CFAP299: variants seen among roughly 807,000 people sequenced by gnomAD.
CFAP299 encodes cilia- and flagella-associated protein 299.
In CFAP299, 21 loss-of-function variants were observed where a neutral mutation model predicts 27.0. The ratio of observed to expected loss-of-function variants is 0.78; its 90% confidence interval spans 0.55 to 1.12. The LOEUF is 1.12. CFAP299 is among the 50% of genes most tolerant of loss of function. The pLI, the probability that CFAP299 is intolerant of heterozygous loss-of-function variation, is 0.00. For synonymous variants in CFAP299, 104 were observed against 98.1 expected, an observed-to-expected ratio of 1.06 and a Z score of -0.36; for missense variants, 310 against 276.6, an observed-to-expected ratio of 1.12 and a Z score of -0.86.
chr4:80,845,595 A>G (rs1160624079), intron 3 of CFAP299, among the ~76,000 whole-genome samples: 2 of 152,124 alleles, frequency 1.3e-5, no homozygotes, highest in African/African-American at 4.8e-5. Flanking sequence ...TTTGCCTGGA[A>G]TGTTCTTCAC....
intron 2 of CFAP299, among the ~76,000 whole-genome samples, chr4:80,529,027 C>T (rs1481637580): frequency 6.6e-6 from 1 of 152,158 alleles, no homozygotes; most frequent in Non-Finnish European, 1.5e-5. Context: ...TCTATAGCTT[C>T]TTTACTTGCC....
intron 4 of CFAP299, among the ~76,000 whole-genome samples, chr4:80,885,236 T>C (rs1733915709): frequency 6.6e-6 from 1 of 152,170 alleles, no homozygotes; most frequent in African/African-American, 2.4e-5. Context: ...CAGGCTCCAC[T>C]ACTACAAGCT....
At chr4:80,397,163 T>C (rs1243075706) in intron 2 of CFAP299, among the ~76,000 whole-genome samples, 1 of 152,164 alleles carries the variant, frequency 6.6e-6, no homozygotes. Flanking sequence ...CTAGTTTATT[T>C]GCGTAGAGGT....
At chr4:80,871,419 A>G in intron 4 of CFAP299, 1 of 985,426 alleles carries the variant, frequency 1.0e-6, no homozygotes, top group Non-Finnish European at 1.2e-6. Flanking sequence ...ATTTTAGGAA[A>G]TTTCACAAAA....
intron 3 of CFAP299, among the ~76,000 whole-genome samples, chr4:80,806,092 C>CT (rs950950218): frequency 6.6e-6 from 1 of 152,058 alleles, no homozygotes; most frequent in Non-Finnish European, 1.5e-5. Flanking sequence ...TGTGAACTCA[C>CT]TTTTTTCTAT....
chr4:80,824,791 G>T (rs1310132502), intron 3 of CFAP299, among the ~76,000 whole-genome samples: 2 of 151,950 alleles, frequency 1.3e-5, no homozygotes, highest in Admixed American at 6.6e-5. Context: ...CAAAACCCCT[G>T]GGAAAGAGAG....
chr4:80,671,925 A>G (rs1332390351), intron 3 of CFAP299, among the ~76,000 whole-genome samples: 2 of 152,142 alleles, frequency 1.3e-5, no homozygotes, highest in Non-Finnish European at 2.9e-5. Context: ...TAAATATACA[A>G]TCATGTCATC....
intron 4 of CFAP299, chr4:80,871,335 C>G: frequency 2.0e-6 from 2 of 985,236 alleles, no homozygotes; most frequent in Non-Finnish European, 2.4e-6. Context: ...GACCTACTAA[C>G]ATTCCAAAGT....
At chr4:80,675,848 G>T (rs1368524606) in intron 3 of CFAP299, among the ~76,000 whole-genome samples, 5 of 152,230 alleles carry the variant, frequency 3.3e-5, no homozygotes, top group African/African-American at 1.2e-4. Context: ...TGCTGAGGCA[G>T]GCGCAGGATA....
intron 3 of CFAP299, among the ~76,000 whole-genome samples, chr4:80,728,597 C>A (rs1302327621): frequency 6.6e-6 from 1 of 152,124 alleles, no homozygotes; most frequent in Non-Finnish European, 1.5e-5. Context: ...GGAAACTAAC[C>A]TCACCCATCT....
intron 3 of CFAP299, among the ~76,000 whole-genome samples, chr4:80,742,119 C>T (rs1164471655): frequency 6.6e-6 from 1 of 152,166 alleles, no homozygotes; most frequent in East Asian, 1.9e-4. Flanking sequence ...CTGCCCTCCT[C>T]AATGACTCTT....
chr4:80,663,091 C>T (rs1740948907), intron 3 of CFAP299, among the ~76,000 whole-genome samples: 1 of 150,084 alleles, frequency 6.7e-6, no homozygotes, highest in African/African-American at 2.4e-5. Context: ...TCAGTTGTAT[C>T]AAATTCCTAT....
chr4:80,455,059 A>C (rs751225328), intron 2 of CFAP299, among the ~76,000 whole-genome samples: 2 of 152,152 alleles, frequency 1.3e-5, no homozygotes, highest in African/African-American at 2.4e-5. Flanking sequence ...TAGGTTTTAC[A>C]ATATGATATT....
chr4:80,523,612 A>T (rs1439541055), intron 2 of CFAP299, among the ~76,000 whole-genome samples: 7 of 152,066 alleles, frequency 4.6e-5, no homozygotes, highest in Non-Finnish European at 8.8e-5. Flanking sequence ...GTTCAAATAG[A>T]AAAAAATATG....
intron 2 of CFAP299, among the ~76,000 whole-genome samples, chr4:80,411,113 A>G (rs148156712): frequency 6.6e-6 from 1 of 152,118 alleles, no homozygotes; most frequent in East Asian, 1.9e-4. Flanking sequence ...TCCTTTGGCT[A>G]TTTGACCCAT....
intron 3 of CFAP299, among the ~76,000 whole-genome samples, chr4:80,626,900 T>A (rs2109939919): frequency 6.6e-6 from 1 of 152,010 alleles, no homozygotes; most frequent in East Asian, 1.9e-4. Flanking sequence ...CACTGCTGAA[T>A]TCTATCAAAT....
chr4:80,468,616 C>T (rs1291304115), intron 2 of CFAP299, among the ~76,000 whole-genome samples: 1 of 151,682 alleles, frequency 6.6e-6, no homozygotes, highest in Non-Finnish European at 1.5e-5. Context: ...GGGTGGATCA[C>T]TTGAAGTCAG....
At chr4:80,382,726 G>A (rs1402209676) in intron 2 of CFAP299, among the ~76,000 whole-genome samples, 1 of 152,132 alleles carries the variant, frequency 6.6e-6, no homozygotes, top group Non-Finnish European at 1.5e-5. Flanking sequence ...CCGTTGGGGG[G>A]ACTGCAAATT....
intron 3 of CFAP299, among the ~76,000 whole-genome samples, chr4:80,766,926 T>G (rs1725899247): frequency 6.6e-6 from 1 of 152,056 alleles, no homozygotes. Flanking sequence ...AGCGAAAGAG[T>G]AAATTTCAGT....
Sources: allele counts gnomAD v4.1 joint callset (sites outside exome capture counted in the v4.1 genomes callset), GRCh38; gene constraint gnomAD v4.1.1; transcripts MANE v1.5; gene names NCBI Gene and HGNC (gene_info 2026-07-23, HGNC 2026-07-21).